Variants in UGT1A8 observed in about 807,000 individuals in gnomAD.
UGT1A8 encodes the protein UDP glucuronosyltransferase family 1 member A8.
In UGT1A8, 39 loss-of-function variants were observed where a neutral mutation model predicts 45.3. The observed-to-expected ratio is 0.86, with a 90% CI of 0.67 to 1.12. The LOEUF is 1.12. Among genes scored for constraint, UGT1A8 ranks in the 50% most tolerant of loss-of-function variants. UGT1A8 has a pLI of 0.00. For missense variants in UGT1A8, 719 were observed against 664.9 expected (o/e 1.08, Z -0.90); for synonymous variants, 275 against 249.2 (o/e 1.10, Z -0.97).
At chr2:233,702,198 G>A (rs190961458) in intron 1 of UGT1A8, among the ~76,000 whole-genome samples, 2 of 152,258 alleles carry the variant, frequency 1.3e-5, no homozygotes, top group Non-Finnish European at 1.5e-5. Flanking sequence ...GCCCCTGGCA[G>A]CCATTAATCA....
intron 1 of UGT1A8, among the ~76,000 whole-genome samples, chr2:233,659,847 G>A (rs1411725549): frequency 2.0e-5 from 3 of 152,172 alleles, no homozygotes; most frequent in Non-Finnish European, 4.4e-5. Flanking sequence ...ATCCTTCTGC[G>A]AGATTGTCTA....
intron 1 of UGT1A8, chr2:233,672,164 A>C: frequency 6.2e-7 from 1 of 1,614,232 alleles, no homozygotes; most frequent in Non-Finnish European, 8.5e-7. Context: ...GTGAAGACTT[A>C]TTCAACTTCA....
At chr2:233,745,354 T>C (rs893608490) in intron 1 of UGT1A8, among the ~76,000 whole-genome samples, 4 of 151,848 alleles carry the variant, frequency 2.6e-5, no homozygotes, top group African/African-American at 9.7e-5. Flanking sequence ...TTTGGGGGAA[T>C]TTTTTTGAGA....
chr2:233,636,738 C>T, intron 1 of UGT1A8: 3 of 1,614,160 alleles, frequency 1.9e-6, no homozygotes, highest in South Asian at 1.1e-5. Context: ...CACTGAATTG[C>T]ACAGTGAAGA....
chr2:233,663,235 G>C (rs1420632634), intron 1 of UGT1A8, among the ~76,000 whole-genome samples: 1 of 152,192 alleles, frequency 6.6e-6, no homozygotes. Flanking sequence ...AATTGCAATA[G>C]AGAAAGAGTA....
chr2:233,669,015 G>T (rs368809158), intron 1 of UGT1A8, among the ~76,000 whole-genome samples: 6 of 152,318 alleles, frequency 3.9e-5, no homozygotes, highest in African/African-American at 1.4e-4. Context: ...TAACACAGGG[G>T]TTATAGGTTT....
At chr2:233,695,460 A>G (rs1364895717) in intron 1 of UGT1A8, among the ~76,000 whole-genome samples, 2 of 150,892 alleles carry the variant, frequency 1.3e-5, no homozygotes, top group African/African-American at 4.9e-5. Context: ...AACGTGCTTT[A>G]TTGGCCCTTT....
intron 1 of UGT1A8, among the ~76,000 whole-genome samples, chr2:233,726,980 A>G (rs1337493620): frequency 1.3e-5 from 2 of 152,116 alleles, no homozygotes; most frequent in Non-Finnish European, 2.9e-5. Context: ...TTAGATTTTG[A>G]TGAGGTTCTT....
chr2:233,630,982 C>G (rs1488590306), intron 1 of UGT1A8, among the ~76,000 whole-genome samples: 2 of 152,048 alleles, frequency 1.3e-5, no homozygotes, highest in African/African-American at 4.8e-5. Flanking sequence ...CTTTCCCTCC[C>G]CTAGGCCCTC....
intron 1 of UGT1A8, chr2:233,682,366 T>C (rs183302274): frequency 2.2e-4 from 357 of 1,614,102 alleles, no homozygotes; most frequent in Admixed American, 6.5e-4. Flanking sequence ...GTTGTTTTGA[T>C]GCAGTGTTTC....
chr2:233,725,031 A>T (rs1445155705), intron 1 of UGT1A8, among the ~76,000 whole-genome samples: 4 of 148,206 alleles, frequency 2.7e-5, no homozygotes, highest in Admixed American at 1.3e-4. Context: ...CCCGGTCTCC[A>T]CCAAAACCAG....
chr2:233,683,801 T>C (rs1267857608), intron 1 of UGT1A8, among the ~76,000 whole-genome samples: 1 of 152,198 alleles, frequency 6.6e-6, no homozygotes, highest in Non-Finnish European at 1.5e-5. Context: ...ATCTTGTATG[T>C]AGTCATATTA....
chr2:233,640,157 G>T (rs2073414032), intron 1 of UGT1A8, among the ~76,000 whole-genome samples: 1 of 152,256 alleles, frequency 6.6e-6, no homozygotes, highest in Admixed American at 6.5e-5. Context: ...CAAGACTAAG[G>T]CCTCCCACTA....
chr2:233,713,340 A>G, intron 1 of UGT1A8: 1 of 1,614,260 alleles, frequency 6.2e-7, no homozygotes, highest in Non-Finnish European at 8.5e-7. Context: ...AATGGCAATT[A>G]TGAACAATAT....
chr2:233,680,433 C>T (rs1172149473), intron 1 of UGT1A8, among the ~76,000 whole-genome samples: 1 of 152,128 alleles, frequency 6.6e-6, no homozygotes, highest in Non-Finnish European at 1.5e-5. Flanking sequence ...GTAGTATGTA[C>T]TAGAGGAAAG....
chr2:233,741,163 A>G (rs1015106485), intron 1 of UGT1A8, among the ~76,000 whole-genome samples: 3 of 151,960 alleles, frequency 2.0e-5, no homozygotes, highest in Non-Finnish European at 2.9e-5. Flanking sequence ...AATCCAGGAT[A>G]TATCAAAACT....
chr2:233,718,300 C>G, intron 1 of UGT1A8, among the ~76,000 whole-genome samples: 1 of 152,240 alleles, frequency 6.6e-6, no homozygotes, highest in Non-Finnish European at 1.5e-5. Flanking sequence ...AGCCTGAACA[C>G]TCTCTGTTTA....
intron 1 of UGT1A8, among the ~76,000 whole-genome samples, chr2:233,661,203 T>C (rs2073957521): frequency 2.0e-5 from 3 of 151,946 alleles, no homozygotes; most frequent in African/African-American, 7.2e-5. Flanking sequence ...TCCCCAACAG[T>C]CTGGTCTATT....
chr2:233,697,476 G>A (rs28900068), intron 1 of UGT1A8, among the ~76,000 whole-genome samples: 1,638 of 149,000 alleles, frequency 0.011, 39 homozygotes, highest in African/African-American at 0.038. Context: ...TCTTAGTCTA[G>A]CTCAAGGTTT....
Sources: allele counts gnomAD v4.1 joint callset (sites outside exome capture counted in the v4.1 genomes callset), GRCh38; gene constraint gnomAD v4.1.1; transcripts MANE v1.5; gene names NCBI Gene and HGNC (gene_info 2026-07-23, HGNC 2026-07-21).